The following LDAH variants were observed in gnomAD, a reference collection of about 807,000 sequenced individuals.
The protein encoded by LDAH is lipid droplet-associated hydrolase.
In LDAH, 26 loss-of-function variants were observed where a neutral mutation model predicts 29.6. The ratio of observed to expected loss-of-function variants is 0.88; its 90% confidence interval spans 0.64 to 1.22. The LOEUF is 1.22. Ranked by LOEUF, LDAH falls within the 50% of genes most tolerant of loss-of-function variation. The pLI, the probability that LDAH is intolerant of heterozygous loss-of-function variation, is 0.00. For missense variants in LDAH, 344 were observed against 387.3 expected, an observed-to-expected ratio of 0.89 and a Z score of 0.94; for synonymous variants, 117 against 133.0, an observed-to-expected ratio of 0.88 and a Z score of 0.83.
intron 5 of LDAH, among the ~76,000 whole-genome samples, chr2:20,717,216 A>T (rs1665282789): frequency 6.6e-6 from 1 of 152,214 alleles, no homozygotes; most frequent in African/African-American, 2.4e-5. Flanking sequence ...CTTTAGTAGG[A>T]CACTACAACA....
At chr2:20,778,934 T>TATA (rs1669997114) in intron 3 of LDAH, among the ~76,000 whole-genome samples, 1 of 151,990 alleles carries the variant, frequency 6.6e-6, no homozygotes, top group Admixed American at 6.6e-5. Flanking sequence ...TATATATATA[T>TATA]ATATATATGG....
chr2:20,745,875 G>C (rs1270572208), intron 4 of LDAH, among the ~76,000 whole-genome samples: 1 of 152,184 alleles, frequency 6.6e-6, no homozygotes, highest in East Asian at 1.9e-4. Context: ...GAAATTGCTA[G>C]GGGTGGTGGG....
At chr2:20,815,546 AT>A (rs1399755529) in intron 1 of LDAH, among the ~76,000 whole-genome samples, 1 of 152,166 alleles carries the variant, frequency 6.6e-6, no homozygotes, top group African/African-American at 2.4e-5. Context: ...GAAATGGCAC[AT>A]TACCTTTAAG....
chr2:20,814,753 TC>T (rs1672737341), intron 1 of LDAH, among the ~76,000 whole-genome samples: 1 of 152,220 alleles, frequency 6.6e-6, no homozygotes, highest in African/African-American at 2.4e-5. Context: ...ATTTTTCATT[TC>T]ATCTTCATTC....
At chr2:20,813,447 T>C (rs1007033746) in intron 1 of LDAH, among the ~76,000 whole-genome samples, 4 of 152,200 alleles carry the variant, frequency 2.6e-5, no homozygotes, top group Non-Finnish European at 5.9e-5. Context: ...TTTTAATGGT[T>C]CCATAATGTG....
chr2:20,807,765 T>C (rs1282126464), intron 1 of LDAH, among the ~76,000 whole-genome samples: 2 of 151,858 alleles, frequency 1.3e-5, no homozygotes, highest in African/African-American at 2.4e-5. Flanking sequence ...GGGTAAAATA[T>C]TGAAACCCTC....
chr2:20,783,789 G>A lies in LDAH; in HGVS notation c.298+6466C>T, dbSNP rs1670365455. ...TGCAGTGGCATGATCTCGGCTCACT[G>A]CAGCCTCAACCTCCCGAGTTCAAGT... On this transcript the variant is annotated intron_variant, in intron 3 of 6. Transcript: ENST00000237822. Among the ~76,000 whole-genome samples, 5 of 152,182 alleles carry A rather than the reference G, an allele frequency of 3.3e-5. 1 individual carries two copies. Among genetic ancestry groups the A allele is most frequent in the Admixed American group, 3.3e-4 (5 of 15,282 alleles).
chr2:20,687,359 C>G (rs1662640535), intron 6 of LDAH, among the ~76,000 whole-genome samples: 1 of 152,152 alleles, frequency 6.6e-6, no homozygotes, highest in East Asian at 1.9e-4. Context: ...AAACGACTTA[C>G]CAGGAAAGTT....
chr2:20,815,011 T>A (rs559454120), intron 1 of LDAH, among the ~76,000 whole-genome samples: 37 of 152,352 alleles, frequency 2.4e-4, no homozygotes, highest in African/African-American at 8.9e-4. Context: ...TTAGTTCATA[T>A]ATACAAATAA....
chr2:20,788,157 G>T (rs531261558), intron 3 of LDAH, among the ~76,000 whole-genome samples: 1 of 152,010 alleles, frequency 6.6e-6, no homozygotes, highest in Non-Finnish European at 1.5e-5. Context: ...AATAAAGGAA[G>T]GTAATCCATT....
At chr2:20,776,491 T>C (rs976018647) in intron 3 of LDAH, among the ~76,000 whole-genome samples, 3 of 152,188 alleles carry the variant, frequency 2.0e-5, no homozygotes, top group Admixed American at 6.6e-5. Context: ...AAAAGCTTTT[T>C]CTTGACTCAA....
In LDAH at chr2:20,771,681, C is replaced by T. The variant is rs535538148; in HGVS notation, c.468+3129G>A. On this transcript the variant is annotated intron_variant, in intron 4 of 6. Coordinates refer to ENST00000237822, the MANE Select transcript of LDAH (RefSeq NM_021925.4). ...TTTCAACAATGTAGTTAATTGAAAC[C>T]AGATAAAGCTTCTGAATAATAATTT... Among the ~76,000 whole-genome samples the T allele has an allele frequency of 1.1e-4, 17 of 152,282 alleles. No homozygotes were observed. The South Asian group carries it at 3.3e-3, about 30-fold the overall frequency.
At chr2:20,753,363 T>C (rs1262342044) in intron 4 of LDAH, among the ~76,000 whole-genome samples, 2 of 152,240 alleles carry the variant, frequency 1.3e-5, no homozygotes, top group African/African-American at 4.8e-5. Flanking sequence ...AGTCAGATCC[T>C]GTATAATTGT....
At chr2:20,802,959 T>C (rs1176407006) in intron 1 of LDAH, among the ~76,000 whole-genome samples, 1 of 152,196 alleles carries the variant, frequency 6.6e-6, no homozygotes, top group African/African-American at 2.4e-5. Flanking sequence ...AGCAGGTTTC[T>C]GGAGAGCTTA....
intron 6 of LDAH, among the ~76,000 whole-genome samples, chr2:20,694,215 G>T (rs944598466): frequency 6.6e-6 from 1 of 152,134 alleles, no homozygotes; most frequent in Admixed American, 6.5e-5. Flanking sequence ...CCCGGGCTCG[G>T]GATATAAACT....
intron 4 of LDAH, among the ~76,000 whole-genome samples, chr2:20,749,597 C>T (rs537725314): frequency 6.6e-6 from 1 of 152,296 alleles, no homozygotes; most frequent in East Asian, 1.9e-4. Context: ...TGCCCCAGGA[C>T]ACTCTCAGCG....
chr2:20,798,907 A>G (rs1040570519), intron 2 of LDAH, among the ~76,000 whole-genome samples: 2 of 152,032 alleles, frequency 1.3e-5, no homozygotes, highest in African/African-American at 4.8e-5. Context: ...ACAACTGAAG[A>G]AGAAGAAATA....
rs370401086 is a variant in LDAH at position 20,728,139 on chromosome 2, G to C, written c.703+11832C>G. 1.6e-4 allele frequency among the ~76,000 whole-genome samples: 24 copies of C among 152,192 alleles called. No individual in the cohort carries two copies. The East Asian group carries it at 2.5e-3, about 16-fold the overall frequency. ...AGAAAACCAGTTTCTATCTAGATAG[G>C]GCAGGATTTATTATCCACTGCTTGG... On this transcript the variant is annotated intron_variant, in intron 5 of 6. Coordinates refer to ENST00000237822, the MANE Select transcript of LDAH (RefSeq NM_021925.4).
At chr2:20,805,774 A>C (rs180725788) in intron 1 of LDAH, among the ~76,000 whole-genome samples, 90 of 152,172 alleles carry the variant, frequency 5.9e-4, no homozygotes, top group Non-Finnish European at 1.2e-3. Context: ...GACTAGTATA[A>C]ATTTTAGAGG....
Sources: gnomAD v4.1 joint callset for allele counts (sites outside exome capture counted in the v4.1 genomes callset) on GRCh38, gnomAD v4.1.1 for gene constraint, MANE v1.5 for transcripts, NCBI Gene and HGNC (gene_info 2026-07-23, HGNC 2026-07-21) for gene names.